Variants in OVCH1 observed in about 807,000 individuals in gnomAD.
OVCH1 encodes the protein ovochymase 1.
A neutral mutation model predicts 138.4 loss-of-function variants in OVCH1; 139 were observed. The observed-to-expected ratio is 1.00, with a 90% CI of 0.87 to 1.16. The LOEUF (loss-of-function observed/expected upper bound fraction) is 1.16. Ranked by LOEUF, OVCH1 falls within the 50% of genes most tolerant of loss-of-function variation. The pLI is 0.00. For synonymous variants in OVCH1, 453 were observed against 467.8 expected (o/e 0.97, Z 0.41); for missense variants, 1,367 against 1,357.9 (o/e 1.01, Z -0.11).
In OVCH1 at chr12:29,451,160, TATAATC is replaced by T. The variant is rs372283173; in HGVS notation, c.2755+179_2755+184del. Among the ~76,000 whole-genome samples the T allele has an allele frequency of 4.8e-3, 714 of 149,974 alleles. 8 individuals carry two copies. Among genetic ancestry groups the T allele is most frequent in the African/African-American group, 0.017 (679 of 40,564 alleles). On this transcript the variant is annotated intron_variant, in intron 22 of 27. Transcript: ENST00000318184. Reference sequence around the variant, plus strand: ...TGCACATGTAACCCAGAACTTAAAGTATAATCATAATAATAATAATAATAATAAAGA... The same window carrying T: ...TGCACATGTAACCCAGAACTTAAAGTATAATAATAATAATAATAATAAAGA...
chr12:29,428,904 A>G (rs1181258092), intron 27 of OVCH1, among the ~76,000 whole-genome samples: 1 of 152,206 alleles, frequency 6.6e-6, no homozygotes, highest in Non-Finnish European at 1.5e-5. Context: ...AATACTGCCA[A>G]ATGCTCAAGC....
intron 25 of OVCH1, among the ~76,000 whole-genome samples, chr12:29,439,985 G>C (rs957160189): frequency 6.6e-6 from 1 of 152,132 alleles, no homozygotes; most frequent in Non-Finnish European, 1.5e-5. Flanking sequence ...AGCACCCTCC[G>C]TGTGTTCACC....
chr12:29,422,790 G>C (rs137992661), downstream of OVCH1, among the ~76,000 whole-genome samples: 1 of 152,120 alleles, frequency 6.6e-6, no homozygotes, highest in Non-Finnish European at 1.5e-5. Context: ...GTAGCTACTT[G>C]GTAGAAGAGA....
At chr12:29,466,274 G>A (rs1200159124) in intron 16 of OVCH1, among the ~76,000 whole-genome samples, 2 of 147,458 alleles carry the variant, frequency 1.4e-5, no homozygotes, top group South Asian at 2.2e-4. Context: ...AAATCATAAG[G>A]AAGAGAAAAT....
At chr12:29,459,289 G>A (rs1942052975) in intron 19 of OVCH1, among the ~76,000 whole-genome samples, 2 of 152,252 alleles carry the variant, frequency 1.3e-5, no homozygotes, top group Non-Finnish European at 1.5e-5. Flanking sequence ...ACACAATGGA[G>A]TACTACTCAG....
chr12:29,425,954 T>C (rs1941173609), downstream of OVCH1: 1 of 152,180 alleles, frequency 6.6e-6, no homozygotes, highest in Non-Finnish European at 1.5e-5. Flanking sequence ...TGCACTCCAG[T>C]TTGCCAACGT....
downstream of OVCH1, among the ~76,000 whole-genome samples, chr12:29,424,264 T>G (rs905576033): frequency 3.3e-5 from 5 of 152,220 alleles, no homozygotes; most frequent in Non-Finnish European, 7.3e-5. Flanking sequence ...AAGGCACAGA[T>G]CGCTTATGCT....
At chr12:29,471,456 C>T (rs1249217495) in intron 16 of OVCH1, among the ~76,000 whole-genome samples, 1 of 152,066 alleles carries the variant, frequency 6.6e-6, no homozygotes, top group Admixed American at 6.6e-5. Context: ...GAGCACTTAG[C>T]TTAAAGATTA....
At chr12:29,463,716 C>T (rs547118457) in intron 18 of OVCH1, among the ~76,000 whole-genome samples, 26 of 152,270 alleles carry the variant, frequency 1.7e-4, no homozygotes, top group African/African-American at 5.8e-4. Context: ...ATAAAAGCTC[C>T]TCATGTGTTG....
intron 25 of OVCH1, among the ~76,000 whole-genome samples, chr12:29,442,173 GTA>G (rs1565573107): frequency 1.3e-5 from 2 of 151,944 alleles, no homozygotes; most frequent in Admixed American, 1.3e-4. Flanking sequence ...ACATGCACAC[GTA>G]TGTTTATTGC....
At chr12:29,494,704 T>C (rs1290731005) in intron 4 of OVCH1, among the ~76,000 whole-genome samples, 1 of 152,054 alleles carries the variant, frequency 6.6e-6, no homozygotes, top group Non-Finnish European at 1.5e-5. Flanking sequence ...TTAAGTGAAA[T>C]AAGCCAAGCA....
the OVCH1 span, among the ~76,000 whole-genome samples, chr12:29,403,607 G>A: frequency 1.3e-5 from 2 of 152,174 alleles, no homozygotes; most frequent in African/African-American, 4.8e-5. Flanking sequence ...TAGAGGGGTA[G>A]GGGGATTGAG....
exon 19 of OVCH1, chr12:29,461,882 G>T: frequency 1.9e-6 from 3 of 1,613,810 alleles, no homozygotes; most frequent in South Asian, 2.2e-5. Context: ...TCCAGATGCT[G>T]CAAAGCCAGC....
downstream of OVCH1, among the ~76,000 whole-genome samples, chr12:29,407,715 T>C (rs968405669): frequency 4.6e-5 from 7 of 152,146 alleles, no homozygotes; most frequent in African/African-American, 1.7e-4. Context: ...TGTAGCCTTG[T>C]AGTATAGTTT....
rs74937229 is a variant in OVCH1 at position 29,414,020 on chromosome 12, CTTT to C, written c.*72-1298_*72-1296del. 1.1e-3 allele frequency among the ~76,000 whole-genome samples: 42 copies of C among 38,532 alleles called. 1 individual carries two copies. In the South Asian group the frequency reaches 0.035, roughly 32 times the overall value. 25.3% of individuals were successfully genotyped at this position (38,532 alleles called of 152,430 possible). A position where few individuals can be genotyped will look rare whatever the true frequency, so the allele number is the denominator to read the frequency against. On this transcript the variant is annotated intron_variant and NMD_transcript_variant, in intron 3 of 4. Transcript: ENST00000539117. ...GCTGGCTTTTCTCCTCTCTCTCTCT[CTTT>C]TTTTTTTTTTTTTTTTTTTGGAGTA...
chr12:29,424,448 G>T (rs1941150060), downstream of OVCH1, among the ~76,000 whole-genome samples: 1 of 152,062 alleles, frequency 6.6e-6, no homozygotes, highest in Admixed American at 6.5e-5. Flanking sequence ...GCCAGATTTT[G>T]GGGGGCCTGT....
At position 29,471,816 on chromosome 12, in the gene OVCH1, G is replaced by A. The variant is rs554687935; in HGVS notation, c.1842C>T (p.Ala614=). 6.2e-6 allele frequency: 10 copies of A among 1,610,798 alleles called. No homozygotes were observed. In the African/African-American group the frequency reaches 1.2e-4, roughly 19 times the overall value. Reference sequence around the variant, plus strand: ...GTTTCACTCACAATTGCACACAGTGGGCTGCGGTCAGAATCCACACTGGGT... The same window carrying A: ...GTTTCACTCACAATTGCACACAGTGAGCTGCGGTCAGAATCCACACTGGGT... Residue 614 remains alanine (A), a synonymous_variant, in exon 16 of 28, where the codon GCC becomes GCT. Coordinates refer to ENST00000318184, the Ensembl canonical transcript of OVCH1.
At chr12:29,473,790 A>G (rs1166341749) in intron 14 of OVCH1, among the ~76,000 whole-genome samples, 1 of 152,060 alleles carries the variant, frequency 6.6e-6, no homozygotes, top group Non-Finnish European at 1.5e-5. Flanking sequence ...TTAACATTTG[A>G]GTTAGTGGGC....
At chr12:29,488,859 A>C (rs544498677) in intron 6 of OVCH1, among the ~76,000 whole-genome samples, 1 of 152,274 alleles carries the variant, frequency 6.6e-6, no homozygotes, top group East Asian at 1.9e-4. Context: ...CCTTTAGCCT[A>C]TCTGTTTTCC....
Sources: allele counts gnomAD v4.1 joint callset (sites outside exome capture counted in the v4.1 genomes callset), GRCh38; gene constraint gnomAD v4.1.1; transcripts MANE v1.5; gene names NCBI Gene and HGNC (gene_info 2026-07-23, HGNC 2026-07-21).